The following NRXN3 variants were observed in gnomAD, a reference collection of about 807,000 sequenced individuals.
NRXN3 encodes the protein neurexin III.
NRXN3 carries 32 observed loss-of-function variants against 137.6 expected under a neutral mutation model. The ratio of observed to expected loss-of-function variants is 0.23; its 90% CI spans 0.18 to 0.31. The LOEUF (loss-of-function observed/expected upper bound fraction) is 0.31. Ranked by LOEUF, NRXN3 falls within the 10% of genes least tolerant of loss-of-function variation. The pLI is 1.00. For synonymous variants in NRXN3, 798 were observed against 784.5 expected (o/e 1.02, Z -0.29); for missense variants, 1,574 against 2,062.5 (o/e 0.76, Z 4.59).
At chr14:79,532,232 T>C (rs2097176006) in intron 16 of NRXN3, among the ~76,000 whole-genome samples, 1 of 152,196 alleles carries the variant, frequency 6.6e-6, no homozygotes, top group African/African-American at 2.4e-5. Flanking sequence ...TGTCTTTATG[T>C]AAGTTACAGA....
intron 15 of NRXN3, among the ~76,000 whole-genome samples, chr14:79,162,478 T>C (rs1160871415): frequency 2.0e-5 from 3 of 151,954 alleles, no homozygotes; most frequent in Non-Finnish European, 4.4e-5. Context: ...GAACTCATCA[T>C]TTTTTATGGC....
At chr14:78,824,898 G>A (rs1174068603) in intron 10 of NRXN3, among the ~76,000 whole-genome samples, 4 of 151,998 alleles carry the variant, frequency 2.6e-5, no homozygotes, top group Non-Finnish European at 5.9e-5. Context: ...CACATCATAT[G>A]CCTGTATCAA....
intron 16 of NRXN3, among the ~76,000 whole-genome samples, chr14:79,600,530 C>A (rs144692128): frequency 1.3e-5 from 2 of 152,176 alleles, no homozygotes; most frequent in Non-Finnish European, 2.9e-5. Flanking sequence ...TGCAGGGACA[C>A]TGTCCTGGTT....
At chr14:79,027,355 T>C in intron 15 of NRXN3, among the ~76,000 whole-genome samples, 1 of 152,020 alleles carries the variant, frequency 6.6e-6, no homozygotes, top group South Asian at 2.1e-4. Context: ...CATCTGGTTG[T>C]GGCAATTAGG....
At chr14:78,525,252 TC>T (rs2096360317) in intron 4 of NRXN3, among the ~76,000 whole-genome samples, 1 of 152,304 alleles carries the variant, frequency 6.6e-6, no homozygotes, top group African/African-American at 2.4e-5. Flanking sequence ...AGAGGCTTTC[TC>T]CCTTGTCTCA....
At chr14:79,103,833 G>C (rs775942287) in intron 15 of NRXN3, among the ~76,000 whole-genome samples, 2 of 152,098 alleles carry the variant, frequency 1.3e-5, no homozygotes, top group South Asian at 2.1e-4. Flanking sequence ...CCAGTTGCCC[G>C]ATACCAGAAT....
intron 4 of NRXN3, among the ~76,000 whole-genome samples, chr14:78,523,574 C>A (rs1182324809): frequency 2.8e-5 from 4 of 141,670 alleles, no homozygotes; most frequent in African/African-American, 1.1e-4. Flanking sequence ...CCAAGGCGGG[C>A]GGATCACGGG....
intron 16 of NRXN3, among the ~76,000 whole-genome samples, chr14:79,478,363 G>GT (rs2096578381): frequency 6.6e-6 from 1 of 151,926 alleles, no homozygotes; most frequent in Non-Finnish European, 1.5e-5. Context: ...TTCCAGAGCT[G>GT]TTTTTTCTAT....
At chr14:79,487,970 G>C (rs2096673212) in intron 16 of NRXN3, among the ~76,000 whole-genome samples, 1 of 152,134 alleles carries the variant, frequency 6.6e-6, no homozygotes, top group East Asian at 1.9e-4. Context: ...TTCCCCAGAG[G>C]GTTATTAATG....
At chr14:78,577,788 A>T (rs1287952201) in intron 4 of NRXN3, among the ~76,000 whole-genome samples, 1 of 152,202 alleles carries the variant, frequency 6.6e-6, no homozygotes, top group African/African-American at 2.4e-5. Flanking sequence ...GAAGTTAAAT[A>T]ACTCACCTCA....
In NRXN3 at chr14:78,926,721, T is replaced by TCA. The variant is rs1555585781; in HGVS notation, c.2276-30521_2276-30520insCA. ...AAAATATATATTATATATTATATAA[T>TCA]TATATATAATATAAAATATATATTA... On this transcript the variant is annotated intron_variant, in intron 10 of 20. Transcript: ENST00000335750. Among the ~76,000 whole-genome samples, 2 of 78,968 alleles carry TCA rather than the reference T, an allele frequency of 2.5e-5. 1 individual carries two copies. The highest frequency in any genetic ancestry group is 6.6e-4 in the South Asian group (2 of 3,008). The allele number at this position is 78,968 out of a possible 152,430, so 51.8% of individuals were successfully genotyped here.
intron 2 of NRXN3, among the ~76,000 whole-genome samples, chr14:78,266,957 C>G (rs1399786732): frequency 6.6e-6 from 1 of 152,140 alleles, no homozygotes; most frequent in Non-Finnish European, 1.5e-5. Context: ...TCTGTCAGGG[C>G]AAGGATCCAT....
chr14:79,839,788 C>T (rs921668833), intron 20 of NRXN3, among the ~76,000 whole-genome samples: 4 of 152,170 alleles, frequency 2.6e-5, no homozygotes, highest in Non-Finnish European at 5.9e-5. Flanking sequence ...TGTAATTTAA[C>T]AGCTCAGGAA....
chr14:79,679,742 C>T (rs999817209), intron 17 of NRXN3, among the ~76,000 whole-genome samples: 6 of 152,182 alleles, frequency 3.9e-5, no homozygotes, highest in African/African-American at 1.4e-4. Flanking sequence ...GTAGCGGAAT[C>T]TGGGTGCCAG....
chr14:79,625,690 T>G (rs2098274145), intron 16 of NRXN3, among the ~76,000 whole-genome samples: 1 of 152,236 alleles, frequency 6.6e-6, no homozygotes, highest in Non-Finnish European at 1.5e-5. Flanking sequence ...CACCCCTCTA[T>G]GAAACCTCTC....
At chr14:79,133,619 T>C (rs2057850947) in intron 15 of NRXN3, among the ~76,000 whole-genome samples, 1 of 152,102 alleles carries the variant, frequency 6.6e-6, no homozygotes, top group African/African-American at 2.4e-5. Flanking sequence ...CCAAGATTGG[T>C]TTATATTAGA....
intron 4 of NRXN3, among the ~76,000 whole-genome samples, chr14:78,534,731 C>G (rs2153814960): frequency 6.6e-6 from 1 of 152,240 alleles, no homozygotes. Flanking sequence ...TTCAACATTC[C>G]TGGGATTACA....
At chr14:79,008,810 C>G (rs1018390388) in intron 15 of NRXN3, among the ~76,000 whole-genome samples, 3 of 151,996 alleles carry the variant, frequency 2.0e-5, no homozygotes, top group Non-Finnish European at 4.4e-5. Flanking sequence ...AGGCGCCCAC[C>G]ACCACACCTG....
At chr14:79,405,727 C>G (rs1278513959) in intron 15 of NRXN3, among the ~76,000 whole-genome samples, 3 of 152,136 alleles carry the variant, frequency 2.0e-5, no homozygotes, top group Non-Finnish European at 4.4e-5. Context: ...TAGTCAACAG[C>G]CTGCCCCTAA....
Sources: gnomAD v4.1 joint callset for allele counts (sites outside exome capture counted in the v4.1 genomes callset) on GRCh38, gnomAD v4.1.1 for gene constraint, MANE v1.5 for transcripts, NCBI Gene and HGNC (gene_info 2026-07-23, HGNC 2026-07-21) for gene names.